Variants in GAB3 observed in about 807,000 individuals in gnomAD.
GAB3 encodes the protein GRB2 associated binding protein 3.
In GAB3, 12 loss-of-function variants were observed where a neutral mutation model predicts 40.4. That is an observed-to-expected ratio of 0.30 (90% CI 0.19 to 0.48). The LOEUF is 0.48. Among genes scored for constraint, GAB3 ranks in the 20% least tolerant of loss-of-function variants. The probability of loss-of-function intolerance (pLI) is 0.99; values close to 1 mark genes in which losing one functional copy is unlikely to be tolerated. For synonymous variants in GAB3, 154 were observed against 176.7 expected (o/e 0.87, Z 1.02); for missense variants, 381 against 461.9 (o/e 0.82, Z 1.61).
At chrX:154,739,045 C>T (rs2071401479) in intron 1 of GAB3, among the ~76,000 whole-genome samples, 1 of 112,051 alleles carries the variant, frequency 8.9e-6, no homozygotes, top group African/African-American at 3.3e-5. Context: ...GATCCCACAA[C>T]AGTATTTTTT....
At chrX:154,688,901 C>T (rs1425538165) in intron 8 of GAB3, among the ~76,000 whole-genome samples, 1 of 111,359 alleles carries the variant, frequency 9.0e-6, no homozygotes, top group Non-Finnish European at 1.9e-5. Flanking sequence ...GGGAATCCTC[C>T]CTAACTCATT....
Position 154,713,226 on chromosome X carries a change from C to T in GAB3, c.577G>A (p.Gly193Arg). 8.3e-7 allele frequency: 1 copy of T among 1,209,548 alleles called. No individual in the cohort carries two copies. Among genetic ancestry groups the T allele is most frequent in the Non-Finnish European group, 1.1e-6 (1 of 893,857 alleles). Residue 193 changes from glycine to arginine, a missense_variant, in exon 3 of 10, where the codon GGA becomes AGA. Transcript: ENST00000424127. The stretch of plus-strand genomic sequence containing the variant: ...GCATACCTGGTATGGTGCAGTCTTC[C>T]AGTCTCGCAGTTGGACAAAACCAGA... ...DYLVLSNCET[G>R]RLHHTSLPTR...
At chrX:154,720,875 T>C (rs1369892553) in intron 1 of GAB3, among the ~76,000 whole-genome samples, 1 of 111,453 alleles carries the variant, frequency 9.0e-6, no homozygotes, top group Non-Finnish European at 1.9e-5. Flanking sequence ...AGTGAATTAA[T>C]AGGTATAGCC....
At chrX:154,704,993 C>T (rs1418274311) in intron 4 of GAB3, among the ~76,000 whole-genome samples, 5 of 111,205 alleles carry the variant, frequency 4.5e-5, no homozygotes, top group Non-Finnish European at 9.4e-5. Context: ...GGCTTTACTG[C>T]TGAATTCTAC....
At chrX:154,704,503 G>T (rs1322351775) in intron 4 of GAB3, among the ~76,000 whole-genome samples, 1 of 110,765 alleles carries the variant, frequency 9.0e-6, no homozygotes, top group Admixed American at 9.6e-5. Flanking sequence ...AAATATATAC[G>T]CCTACCATGT....
chrX:154,720,613 C>T (rs1162529314), intron 1 of GAB3, among the ~76,000 whole-genome samples: 7 of 80,817 alleles, frequency 8.7e-5, no homozygotes, highest in Admixed American at 7.0e-4. Flanking sequence ...GGCGACAGAG[C>T]GAGACTCCGT....
At chrX:154,712,208 A>G in intron 4 of GAB3, 21 bp downstream of exon 4, 4 of 1,118,526 alleles carry the variant, frequency 3.6e-6, no homozygotes, top group Non-Finnish European at 4.8e-6. Flanking sequence ...TGGCGCCTGA[A>G]TCTTAGGACC....
chrX:154,716,252 G>C lies in GAB3; in HGVS notation c.150C>G (p.Asn50Lys), dbSNP rs1384198918. Residue 50 changes from asparagine (N) to lysine (K), a missense_variant, in exon 2 of 10, where the codon AAC (asparagine) becomes AAG (lysine). By Grantham distance (94) the Asn-to-Lys change is moderately conservative. Coordinates refer to ENST00000424127, the MANE Select transcript of GAB3 (RefSeq NM_001081573.3). The stretch of plus-strand genomic sequence containing the variant: ...CCCGGATGGGCTTGCTGGAGTGCTT[G>C]TTCCTGTAGTACTCCAAGACATCGG... ...GNPDVLEYYRNKHSSKPIRVI... is the reference protein window; with the variant it reads ...GNPDVLEYYRKKHSSKPIRVI... 1 of 1,211,263 alleles carries C rather than the reference G, an allele frequency of 8.3e-7. No homozygotes were observed. The highest frequency in any genetic ancestry group is 1.1e-6 in the Non-Finnish European group (1 of 895,032).
In GAB3 at chrX:154,750,960, C is replaced by T; in HGVS notation, c.66G>A (p.Gln22=). ...TGGCGGCGCCCCTACTCACGTAGCGCTGTAGCTTCCTCTCGGGGGGCGACT... is the reference window on the plus strand; with the variant it reads ...TGGCGGCGCCCCTACTCACGTAGCGTTGTAGCTTCCTCTCGGGGGGCGACT... ...LVKSPPERKL[Q]RYAWRKRWFV... Residue 22 remains glutamine (Q), a synonymous_variant, in exon 1 of 10, where the codon CAG becomes CAA. Coordinates refer to ENST00000424127, the MANE Select transcript of GAB3 (RefSeq NM_001081573.3). 1 of 811,190 alleles carries T rather than the reference C, an allele frequency of 1.2e-6. No homozygotes were observed. Among genetic ancestry groups the T allele is most frequent in the Non-Finnish European group, 1.5e-6 (1 of 669,535 alleles). 66.9% of individuals were successfully genotyped at this position (811,190 alleles called of 1,213,427 possible).
intron 8 of GAB3, among the ~76,000 whole-genome samples, chrX:154,688,441 A>T (rs1455741087): frequency 3.6e-5 from 4 of 109,811 alleles, no homozygotes; most frequent in Non-Finnish European, 7.6e-5. Context: ...TACCAAGCCC[A>T]GCTAATTTTT....
chrX:154,688,773 C>T (rs1232051687), intron 8 of GAB3, among the ~76,000 whole-genome samples: 1 of 111,697 alleles, frequency 9.0e-6, no homozygotes, highest in African/African-American at 3.3e-5. Flanking sequence ...TAGAGCCACA[C>T]TGAGATACCA....
chrX:154,733,099 T>G (rs1343826598), intron 1 of GAB3, among the ~76,000 whole-genome samples: 1 of 112,416 alleles, frequency 8.9e-6, no homozygotes, highest in Non-Finnish European at 1.9e-5. Context: ...TCTTGGCCTC[T>G]TCACTGTTGA....
intron 4 of GAB3, among the ~76,000 whole-genome samples, chrX:154,710,113 C>G (rs2070910269): frequency 1.8e-5 from 2 of 109,280 alleles, no homozygotes; most frequent in South Asian, 9.0e-4. Flanking sequence ...GATGCATATG[C>G]ATTCACACCT....
intron 1 of GAB3, among the ~76,000 whole-genome samples, chrX:154,749,127 C>G (rs1341668821): frequency 7.2e-5 from 8 of 111,426 alleles, no homozygotes; most frequent in African/African-American, 2.3e-4. Context: ...ACTGCCCCAT[C>G]ATCACACGCC....
chrX:154,717,310 A>G (rs1348627896), intron 1 of GAB3, among the ~76,000 whole-genome samples: 1 of 110,881 alleles, frequency 9.0e-6, no homozygotes, highest in Non-Finnish European at 1.9e-5. Context: ...TCAACCAGGG[A>G]TGGTATAATT....
intron 1 of GAB3, among the ~76,000 whole-genome samples, chrX:154,738,522 T>A (rs2071395073): frequency 8.9e-6 from 1 of 112,225 alleles, no homozygotes; most frequent in Admixed American, 9.4e-5. Flanking sequence ...CGGTTTCCTG[T>A]CATTGGAAGT....
intron 1 of GAB3, among the ~76,000 whole-genome samples, chrX:154,739,802 G>A (rs997396273): frequency 2.6e-4 from 29 of 111,848 alleles, no homozygotes; most frequent in African/African-American, 8.8e-4. Flanking sequence ...TAAGTCAAAA[G>A]TAGAAGAATT....
intron 1 of GAB3, among the ~76,000 whole-genome samples, chrX:154,720,901 C>T (rs2148466984): frequency 9.0e-6 from 1 of 111,637 alleles, no homozygotes; most frequent in Admixed American, 9.5e-5. Flanking sequence ...GCATCAACAG[C>T]TGCTAACTTG....
intron 7 of GAB3, among the ~76,000 whole-genome samples, chrX:154,696,682 C>T (rs1256345434): frequency 8.9e-6 from 1 of 112,561 alleles, no homozygotes; most frequent in Non-Finnish European, 1.9e-5. Flanking sequence ...GGGCTTGGGC[C>T]ATAGCCAGTT....
Sources: allele counts gnomAD v4.1 joint callset (sites outside exome capture counted in the v4.1 genomes callset), GRCh38; gene constraint gnomAD v4.1.1; transcripts MANE v1.5; gene names NCBI Gene and HGNC (gene_info 2026-07-23, HGNC 2026-07-21).